Variants in OSBPL6 observed in about 807,000 individuals in gnomAD.
OSBPL6 encodes the protein oxysterol-binding protein-related protein 6.
A neutral mutation model predicts 125.8 loss-of-function variants in OSBPL6; 49 were observed. The observed-to-expected ratio is 0.39, with a 90% confidence interval of 0.31 to 0.49. The LOEUF is 0.49. Among genes scored for constraint, OSBPL6 ranks in the 20% least tolerant of loss-of-function variants. The probability of loss-of-function intolerance (pLI) is 0.88; values close to 1 mark genes in which losing one functional copy is unlikely to be tolerated. For missense variants in OSBPL6, 986 were observed against 1,135.4 expected (o/e 0.87, Z 1.89); for synonymous variants, 394 against 391.8 (o/e 1.01, Z -0.07).
chr2:178,335,688 G>A (rs1689616502), intron 8 of OSBPL6, among the ~76,000 whole-genome samples: 1 of 152,064 alleles, frequency 6.6e-6, no homozygotes, highest in Admixed American at 6.6e-5. Flanking sequence ...ACTGTTTCCT[G>A]CAGGCACCTT....
At chr2:178,383,821 T>A (rs953798228) in intron 17 of OSBPL6, among the ~76,000 whole-genome samples, 1 of 152,222 alleles carries the variant, frequency 6.6e-6, no homozygotes, top group Non-Finnish European at 1.5e-5. Flanking sequence ...ATGCTTCACC[T>A]CAGTGGCCTG....
Position 178,230,024 on chromosome 2 carries a change from T to C in OSBPL6, c.-351+35350T>C, listed in dbSNP as rs936854488. ...TGCCTTTTTGCTCAACCATCACTCA[T>C]AGTGTTGTTCTCATCTTCAGGGTAG... On this transcript the variant is annotated intron_variant, in intron 1 of 24. Coordinates refer to ENST00000190611, the MANE Select transcript of OSBPL6 (RefSeq NM_032523.4). 4.4e-4 allele frequency among the ~76,000 whole-genome samples: 67 copies of C among 152,144 alleles called. 3 individuals are homozygous for C. The highest frequency in any genetic ancestry group is 1.5e-5 in the Non-Finnish European group (1 of 68,014).
chr2:178,228,307 G>A (rs1403540925), intron 1 of OSBPL6, among the ~76,000 whole-genome samples: 3 of 152,202 alleles, frequency 2.0e-5, no homozygotes, highest in Admixed American at 1.3e-4. Context: ...AGGCCAAGGT[G>A]GGCATATCAT....
intron 2 of OSBPL6, among the ~76,000 whole-genome samples, chr2:178,298,049 C>G (rs1318808635): frequency 6.6e-6 from 1 of 152,170 alleles, no homozygotes; most frequent in Non-Finnish European, 1.5e-5. Flanking sequence ...TGATAACCAC[C>G]ATTCTACCTT....
chr2:178,199,069 T>G (rs577917600), intron 1 of OSBPL6, among the ~76,000 whole-genome samples: 1 of 152,352 alleles, frequency 6.6e-6, no homozygotes, highest in South Asian at 2.1e-4. Flanking sequence ...GCATCATATA[T>G]CCATTGGATG....
intron 1 of OSBPL6, among the ~76,000 whole-genome samples, chr2:178,199,897 CAT>C (rs2089147949): frequency 6.6e-6 from 1 of 152,096 alleles, no homozygotes; most frequent in Non-Finnish European, 1.5e-5. Flanking sequence ...AAGGAAAACA[CAT>C]ATTTGGATAA....
chr2:178,272,905 A>G (rs1330401311), intron 1 of OSBPL6, among the ~76,000 whole-genome samples: 1 of 152,242 alleles, frequency 6.6e-6, no homozygotes, highest in Non-Finnish European at 1.5e-5. Context: ...TCTTGAAAAT[A>G]AAAGGCATGT....
rs148471394 is a variant in OSBPL6 at position 178,316,164 on chromosome 2, G to T, written c.103-8013G>T. Among the ~76,000 whole-genome samples the T allele has an allele frequency of 4.3e-3, 653 of 152,264 alleles. 5 individuals are homozygous for T. Among genetic ancestry groups the T allele is most frequent in the African/African-American group, 0.014 (590 of 41,556 alleles). On this transcript the variant is annotated intron_variant, in intron 3 of 24. Transcript: ENST00000190611. The stretch of plus-strand genomic sequence containing the variant: ...CTCAAAAATTTTAATAGCCAGCACT[G>T]GTGAGGCTTCAAGGAAATAGATACT...
chr2:178,321,723 C>CT (rs35316753), intron 3 of OSBPL6, among the ~76,000 whole-genome samples: 10 of 152,110 alleles, frequency 6.6e-5, no homozygotes, highest in Admixed American at 1.3e-4. Flanking sequence ...TGTCCTTTAA[C>CT]TTTTTCAGTA....
intron 3 of OSBPL6, among the ~76,000 whole-genome samples, chr2:178,319,307 G>GT (rs1415414357): frequency 6.6e-5 from 10 of 152,162 alleles, no homozygotes; most frequent in Admixed American, 6.5e-4. Context: ...CCCTAAGATT[G>GT]TACCATATTT....
chr2:178,218,743 C>T (rs760868294), intron 1 of OSBPL6, among the ~76,000 whole-genome samples: 7 of 151,620 alleles, frequency 4.6e-5, no homozygotes, highest in African/African-American at 1.7e-4. Flanking sequence ...GATTCTCCTG[C>T]CTCAGCCTCC....
chr2:178,278,886 GTGT>G (rs1173047662), intron 1 of OSBPL6, among the ~76,000 whole-genome samples: 1 of 152,170 alleles, frequency 6.6e-6, no homozygotes, highest in African/African-American at 2.4e-5. Flanking sequence ...ATAAAAAAAG[GTGT>G]TGTACTGTGT....
In OSBPL6 at chr2:178,402,679, A is replaced by G. The variant is rs1559342489; in HGVS notation, c.*7120A>G. 1 of 152,246 alleles carries G rather than the reference A, an allele frequency of 6.6e-6. No individual in the cohort carries two copies. Among genetic ancestry groups the G allele is most frequent in the Non-Finnish European group, 1.5e-5 (1 of 68,048 alleles). 9.4% of individuals were successfully genotyped at this position (152,246 alleles called of 1,614,324 possible). Reference sequence around the variant, plus strand: ...TGCATACGGTCATTTTGAGATAGAAAAATTAAATTTTTTTAGGAAAAGAAT... The same window carrying G: ...TGCATACGGTCATTTTGAGATAGAAGAATTAAATTTTTTTAGGAAAAGAAT... On this transcript the variant is annotated 3_prime_UTR_variant, in exon 25 of 25. Coordinates refer to ENST00000190611, the MANE Select transcript of OSBPL6 (RefSeq NM_032523.4).
chr2:178,257,741 T>C (rs933983633), intron 1 of OSBPL6, among the ~76,000 whole-genome samples: 1 of 152,090 alleles, frequency 6.6e-6, no homozygotes, highest in African/African-American at 2.4e-5. Flanking sequence ...AGGGAAACAA[T>C]AGCTATTAAA....
intron 3 of OSBPL6, among the ~76,000 whole-genome samples, chr2:178,321,881 T>C (rs902079679): frequency 7.9e-5 from 12 of 152,210 alleles, no homozygotes; most frequent in African/African-American, 2.9e-4. Context: ...GAACTTCTTA[T>C]TTTTCTTCCA....
At chr2:178,225,593 A>G (rs1418833038) in intron 1 of OSBPL6, among the ~76,000 whole-genome samples, 1 of 152,216 alleles carries the variant, frequency 6.6e-6, no homozygotes, top group Non-Finnish European at 1.5e-5. Context: ...CATGCTGCTG[A>G]TAAAGACATA....
At chr2:178,319,860 A>G (rs552487860) in intron 3 of OSBPL6, among the ~76,000 whole-genome samples, 1 of 152,342 alleles carries the variant, frequency 6.6e-6, no homozygotes, top group African/African-American at 2.4e-5. Context: ...TTTCTTTGAA[A>G]ATATTTTGGG....
chr2:178,324,061 T>A, intron 3 of OSBPL6, 116 bp from the exon 4 acceptor site: 1 of 583,740 alleles, frequency 1.7e-6, no homozygotes, highest in Non-Finnish European at 2.8e-6. Flanking sequence ...TTCAGGAACT[T>A]GCCATTTTTA....
In OSBPL6 at chr2:178,372,173, T is replaced by C; in HGVS notation, c.1335T>C (p.His445=). The C allele has an allele frequency of 6.2e-7, 1 of 1,613,346 alleles. No individual in the cohort carries two copies. The highest frequency in any genetic ancestry group is 2.2e-5 in the East Asian group (1 of 44,794). ...TAAGGAGTCGGTTGAACAGAATACA[T>C]TCAGAGTCTATTATTTGTGATCAGG... The part of the protein sequence containing the change: ...AELRSRLNRI[H]SESIICDQVV... The change falls in exon 14 of 25, where the codon CAT becomes CAC. Residue 445 remains histidine (H), a synonymous_variant. Coordinates refer to ENST00000190611, the MANE Select transcript of OSBPL6 (RefSeq NM_032523.4).
Sources: allele counts gnomAD v4.1 joint callset (sites outside exome capture counted in the v4.1 genomes callset), GRCh38; gene constraint gnomAD v4.1.1; transcripts MANE v1.5; gene names NCBI Gene and HGNC (gene_info 2026-07-23, HGNC 2026-07-21).